RANGAP1: variants seen among roughly 807,000 people sequenced by gnomAD.
RANGAP1 encodes ran GTPase-activating protein 1.
Under a neutral mutation model 63.5 loss-of-function variants are expected in RANGAP1, and 38 were observed. The ratio of observed to expected loss-of-function variants is 0.60; its 90% CI spans 0.46 to 0.78. RANGAP1 has a LOEUF of 0.78. Ranked by LOEUF, RANGAP1 falls within the 30% of genes least tolerant of loss-of-function variation. The pLI, the probability that RANGAP1 is intolerant of heterozygous loss-of-function variation, is 0.00. For missense variants in RANGAP1, 630 were observed against 740.3 expected, an observed-to-expected ratio of 0.85 and a Z score of 1.73; for synonymous variants, 329 against 310.5, an observed-to-expected ratio of 1.06 and a Z score of -0.63.
At chr22:41,286,782 T>G (rs568593221), upstream of RANGAP1, among the ~76,000 whole-genome samples, 41 of 152,332 alleles carry the variant, frequency 2.7e-4, no homozygotes, top group African/African-American at 9.6e-4. Context: ...AAGCTGACAT[T>G]CATCGCACGC....
the RANGAP1 span, among the ~76,000 whole-genome samples, chr22:41,291,814 T>C: frequency 6.6e-6 from 1 of 151,172 alleles, no homozygotes; most frequent in African/African-American, 2.4e-5. Context: ...GGCAGGAGAA[T>C]GGCGTGAACC....
intron 5 of RANGAP1, 135 bp downstream of exon 5, chr22:41,264,529 T>C (rs1259973130): frequency 8.7e-7 from 1 of 1,153,118 alleles, no homozygotes; most frequent in African/African-American, 1.6e-5. Context: ...CCACAGGCTG[T>C]TGCCTTTGAG....
rs2229755 is a variant in RANGAP1, at chr22:41,254,367, G to A, written c.1201C>T (p.Arg401Ter). The A allele has an allele frequency of 6.2e-7, 1 of 1,613,924 alleles. No individual in the cohort carries two copies. Among genetic ancestry groups the A allele is most frequent in the Non-Finnish European group, 8.5e-7 (1 of 1,179,944 alleles). ...EEEEEEEPQQ[R>*]GQGEKSATPS... The stretch of plus-strand genomic sequence containing the variant: ...GTGGCTGACTTCTCTCCCTGCCCTC[G>A]CTGCTGAGGCTCTTCTTCCTCCTCC... Residue 401 changes from arginine to a stop codon, truncating the protein, a stop_gained, in exon 11 of 16, where the codon CGA becomes TGA. Coordinates refer to ENST00000356244, the MANE Select transcript of RANGAP1 (RefSeq NM_002883.4). LOFTEE classifies it high-confidence loss of function.
chr22:41,269,132 TGCAGTG>T (rs2034650030), intron 3 of RANGAP1, among the ~76,000 whole-genome samples: 1 of 152,050 alleles, frequency 6.6e-6, no homozygotes, highest in African/African-American at 2.4e-5. Context: ...TAGGCTGGAG[TGCAGTG>T]GCAGAATCAT....
At chr22:41,280,217 A>T (rs1262300022) in intron 2 of RANGAP1, among the ~76,000 whole-genome samples, 1 of 152,210 alleles carries the variant, frequency 6.6e-6, no homozygotes, top group Non-Finnish European at 1.5e-5. Context: ...TCCGACCTGG[A>T]GAGGAGAACA....
chr22:41,253,308 G>T (rs2033600885), intron 11 of RANGAP1, among the ~76,000 whole-genome samples: 1 of 152,190 alleles, frequency 6.6e-6, no homozygotes, highest in Non-Finnish European at 1.5e-5. Context: ...GGAGGCACAT[G>T]GGGGCTAAAG....
intron 10 of RANGAP1, 140 bp downstream of exon 10, chr22:41,255,881 G>A (rs1427860425): frequency 1.2e-6 from 1 of 812,328 alleles, no homozygotes; most frequent in Non-Finnish European, 1.9e-6. Flanking sequence ...TTGAACCCAG[G>A]AGGTGGAAGC....
chr22:41,282,223 G>A (rs1007629269), intron 1 of RANGAP1: 5 of 152,266 alleles, frequency 3.3e-5, no homozygotes, highest in Non-Finnish European at 7.3e-5. Context: ...GATCATTTGA[G>A]CCCAGGAGTT....
rs1318115591 is a variant in RANGAP1 at position 41,246,629 on chromosome 22, G to A, written c.1738C>T (p.Leu580=). Residue 580 remains leucine, a synonymous_variant, in exon 16 of 16, where the codon CTG becomes TTG. Transcript: ENST00000356244. ...LESCSFARHS[L]LQTLYKV is the part of the protein sequence containing the mutation. ...TAGACCTTGTACAGCGTCTGCAGCA[G>A]ACTGTGGCGGGCGAAGGAGCAGGAT... The A allele has an allele frequency of 3.2e-6, 5 of 1,579,040 alleles. No individual in the cohort carries two copies. The highest frequency in any genetic ancestry group is 4.3e-6 in the Non-Finnish European group (5 of 1,161,440).
chr22:41,254,401 T>C lies in RANGAP1; in HGVS notation c.1167A>G (p.Glu389=), dbSNP rs776143659. 7.4e-6 allele frequency: 12 copies of C among 1,611,474 alleles called. No individual in the cohort carries two copies. Among genetic ancestry groups the C allele is most frequent in the Admixed American group, 5.0e-5 (3 of 59,920 alleles). The change falls in exon 11 of 16, where the codon GAA becomes GAG. Residue 389 remains glutamate, a synonymous_variant. Transcript: ENST00000356244. ...GCTCTTCTTCCTCCTCCTCCTCCTCTTCTTCCTCCTCTTCCTCATCTTCCT... is the reference window on the plus strand; with the variant it reads ...GCTCTTCTTCCTCCTCCTCCTCCTCCTCTTCCTCCTCTTCCTCATCTTCCT... ...EEEEDEEEEE[E]EEEEEEEEPQ...
chr22:41,274,858 A>G, intron 2 of RANGAP1, 131 bp from the exon 3 acceptor site: 1 of 1,173,968 alleles, frequency 8.5e-7, no homozygotes, highest in Non-Finnish European at 1.2e-6. Context: ...CTTGGCTTAC[A>G]GAGAATCAGA....
chr22:41,269,329 T>C (rs554464086), intron 3 of RANGAP1, among the ~76,000 whole-genome samples: 36 of 152,268 alleles, frequency 2.4e-4, no homozygotes, highest in African/African-American at 8.4e-4. Context: ...GAGGGGAGGC[T>C]GAAGAAAGGT....
chr22:41,296,287 T>C, the RANGAP1 span, among the ~76,000 whole-genome samples: 1 of 151,598 alleles, frequency 6.6e-6, no homozygotes, highest in African/African-American at 2.4e-5. Context: ...TATACATCAC[T>C]TAACTTAGAA....
intron 6 of RANGAP1, among the ~76,000 whole-genome samples, chr22:41,258,860 G>A (rs777695147): frequency 3.9e-5 from 6 of 152,126 alleles, no homozygotes; most frequent in Non-Finnish European, 7.4e-5. Flanking sequence ...TCACCATGTT[G>A]GCCAGGCTGG....
At chr22:41,252,220 T>C (rs2033503719) in intron 12 of RANGAP1, among the ~76,000 whole-genome samples, 1 of 152,066 alleles carries the variant, frequency 6.6e-6, no homozygotes, top group East Asian at 1.9e-4. Flanking sequence ...GAGAATTGCT[T>C]GAACCCAGGA....
chr22:41,283,506 T>TCAAAACAAACAAATAA (rs1601727313), intron 1 of RANGAP1, among the ~76,000 whole-genome samples: 1 of 151,450 alleles, frequency 6.6e-6, no homozygotes, highest in East Asian at 1.9e-4. Context: ...AGACTCCAAC[T>TCAAAACAAACAAATAA]CAAAACAAAC....
chr22:41,246,502 C>T lies in RANGAP1; in HGVS notation c.*101G>A, dbSNP rs989275415. ...GGACACAGACCCGCCCTGCCTGTGG[C>T]CAGAGTCCTGTCCAAGGCAATGGCG... On this transcript the variant is annotated 3_prime_UTR_variant, in exon 16 of 16. Transcript: ENST00000356244. 1.2e-4 allele frequency: 163 copies of T among 1,315,986 alleles called. No homozygotes were observed. The highest frequency in any genetic ancestry group is 1.7e-4 in the Non-Finnish European group (159 of 945,222). The allele number at this position is 1,315,986 out of a possible 1,614,324, so 81.5% of individuals were successfully genotyped here.
chr22:41,256,098 G>A lies in RANGAP1; in HGVS notation c.996C>T (p.Thr332=). The part of the protein sequence containing the change: ...ELEKLDLNGN[T]LGEEGCEQLQ... Reference sequence around the variant, plus strand: ...GCTGTTCACAGCCTTCTTCTCCCAGGGTGTTGCCTGCTCAAGGGGAGGGAA... The same window carrying A: ...GCTGTTCACAGCCTTCTTCTCCCAGAGTGTTGCCTGCTCAAGGGGAGGGAA... Residue 332 remains threonine, a synonymous_variant, in exon 10 of 16, where the codon ACC becomes ACT. Transcript: ENST00000356244. The A allele has an allele frequency of 6.2e-7, 1 of 1,614,094 alleles. No individual in the cohort carries two copies. Among genetic ancestry groups the A allele is most frequent in the Non-Finnish European group, 8.5e-7 (1 of 1,180,024 alleles).
chr22:41,291,265 G>A, the RANGAP1 span, among the ~76,000 whole-genome samples: 2 of 152,184 alleles, frequency 1.3e-5, no homozygotes, highest in South Asian at 2.1e-4. Context: ...GGATTTCCCG[G>A]TACCAAATGG....
Sources: gnomAD v4.1 joint callset for allele counts (sites outside exome capture counted in the v4.1 genomes callset) on GRCh38, gnomAD v4.1.1 for gene constraint, MANE v1.5 for transcripts, NCBI Gene and HGNC (gene_info 2026-07-23, HGNC 2026-07-21) for gene names.